FURIN: variants seen among roughly 807,000 people sequenced by gnomAD.
The protein encoded by FURIN is furin, paired basic amino acid cleaving enzyme, also known as FES upstream region.
In FURIN, 18 loss-of-function variants were observed where a neutral mutation model predicts 89.2. The observed-to-expected ratio is 0.20, with a 90% confidence interval of 0.14 to 0.30. The LOEUF is 0.30. Among genes scored for constraint, FURIN ranks in the 10% least tolerant of loss-of-function variants. FURIN has a pLI of 1.00. For missense variants in FURIN, 879 were observed against 1,100.5 expected (o/e 0.80, Z 2.85); for synonymous variants, 508 against 466.4 (o/e 1.09, Z -1.15).
At chr15:90,868,974 A>C (rs1196321405) in intron 1 of FURIN, among the ~76,000 whole-genome samples, 2 of 152,208 alleles carry the variant, frequency 1.3e-5, no homozygotes, top group East Asian at 3.8e-4. Flanking sequence ...GAGGTGGACC[A>C]GAGATTTCAG....
At chr15:90,871,500 TGGGAACGCGGGC>T (rs2031289845) in intron 1 of FURIN, 2 of 2,272 alleles carry the variant, frequency 8.8e-4, no homozygotes, top group Non-Finnish European at 2.4e-3. Flanking sequence ...CCCACGGCGC[TGGGAACGCGGGC>T]CCGCAGTCGG....
rs906400689 is a variant in FURIN, at chr15:90,876,178, C to T, written c.178-77C>T. The T allele has an allele frequency of 1.1e-5, 11 of 1,015,948 alleles. No homozygotes were observed. The highest frequency in any genetic ancestry group is 4.7e-5 in the East Asian group (2 of 42,148). The allele number at this position is 1,015,948 out of a possible 1,614,324, so 62.9% of individuals were successfully genotyped here. ...GACCGTGGCGAGCCTCCCATGAAGCCGTTGTCCACCCCCGTCCCCCGCCTC... is the reference window on the plus strand; with the variant it reads ...GACCGTGGCGAGCCTCCCATGAAGCTGTTGTCCACCCCCGTCCCCCGCCTC... On this transcript the variant is annotated intron_variant, in intron 2 of 15. Coordinates refer to ENST00000268171, the MANE Select transcript of FURIN (RefSeq NM_002569.4). The surrounding 1 kb of genome is among the most constrained non-coding windows in gnomAD (Gnocchi z 5.0).
intron 9 of FURIN, 119 bp downstream of exon 9, chr15:90,879,095 GC>G (rs151289535): frequency 1.5e-6 from 1 of 670,014 alleles, no homozygotes; most frequent in Non-Finnish European, 2.6e-6. Flanking sequence ...AGTGGCTCAG[GC>G]ATCATGCAAC....
At chr15:90,872,895 G>C (rs1338235929) in intron 1 of FURIN, 2 of 152,354 alleles carry the variant, frequency 1.3e-5, no homozygotes, top group Non-Finnish European at 1.5e-5. Flanking sequence ...AGTCGGTCCT[G>C]GGGTGAGGCG....
Position 90,881,149 on chromosome 15 carries a change from C to G in FURIN, c.1792+109C>G. ...AAAAAGTCTCAAGAGACCTAGGGCC[C>G]CTGGGGCTCTTGGGATGACCACAGT... On this transcript the variant is annotated intron_variant, in intron 15 of 15. Transcript: ENST00000268171. The surrounding 1 kb of genome is among the most constrained non-coding windows in gnomAD (Gnocchi z 4.3). 9.1e-7 allele frequency: 1 copy of G among 1,102,448 alleles called. No individual in the cohort carries two copies. Among genetic ancestry groups the G allele is most frequent in the Non-Finnish European group, 1.4e-6 (1 of 740,096 alleles). The allele number at this position is 1,102,448 out of a possible 1,614,324, so 68.3% of individuals were successfully genotyped here.
intron 1 of FURIN, among the ~76,000 whole-genome samples, chr15:90,870,959 G>GA (rs1372690475): frequency 1.3e-5 from 2 of 151,836 alleles, no homozygotes; most frequent in African/African-American, 2.4e-5. Flanking sequence ...TGTCTAAAAA[G>GA]AAAAAAAAGC....
chr15:90,874,634 C>A (rs1009621993), intron 1 of FURIN, among the ~76,000 whole-genome samples: 1 of 152,220 alleles, frequency 6.6e-6, no homozygotes, highest in African/African-American at 2.4e-5. Flanking sequence ...ATGGCTGAAT[C>A]TGCTTTGCTG....
chr15:90,881,357 G>A lies in FURIN; in HGVS notation c.1864G>A (p.Val622Ile), dbSNP rs765154886. 1 of 1,612,988 alleles carries A rather than the reference G, an allele frequency of 6.2e-7. No individual in the cohort carries two copies. The highest frequency in any genetic ancestry group is 8.5e-7 in the Non-Finnish European group (1 of 1,179,864). The change falls in exon 16 of 16, where the codon GTC becomes ATC. Residue 622 changes from valine to isoleucine, a missense_variant. Coordinates refer to ENST00000268171, the MANE Select transcript of FURIN (RefSeq NM_002569.4). This position sits in a 1 kb window ranked among gnomAD's most constrained non-coding sequence, Gnocchi z 4.3. Reference protein sequence around the residue: ...QHCPPGFAPQVLDTHYSTEND... With the variant: ...QHCPPGFAPQILDTHYSTEND... ...CTGCCCTCCAGGGTTCGCCCCCCAA[G>A]TCCTCGATACGCACTATAGCACCGA...
In FURIN at chr15:90,875,907, A is replaced by G. The variant is rs763990177; in HGVS notation, c.167A>G (p.Asn56Ser). ...GTGGCACGGAAGCATGGGTTCCTCA[A>G]CCTGGGCCAGGTAGGTGTTCCCCCA... is the stretch of plus-strand genomic sequence containing the variant. Reference protein sequence around the residue: ...NSVARKHGFLNLGQIFGDYYH... With the variant: ...NSVARKHGFLSLGQIFGDYYH... The change falls in exon 2 of 16, where the codon AAC becomes AGC. Residue 56 changes from asparagine (N) to serine (S), a missense_variant. Physicochemically the swap from Asn to Ser is conservative, Grantham distance 46. Around this residue, in one of 5 missense-constraint regions of FURIN, gnomAD observed 125 missense variants for 125.0 expected, o/e 1.00. Transcript: ENST00000268171. 58 of 1,584,660 alleles carry G rather than the reference A, an allele frequency of 3.7e-5. No homozygotes were observed. The highest frequency in any genetic ancestry group is 4.8e-5 in the Non-Finnish European group (56 of 1,166,492).
chr15:90,876,914 G>T lies in FURIN; in HGVS notation c.391G>T (p.Asp131Tyr), dbSNP rs1305469194. The T allele has an allele frequency of 6.2e-7, 1 of 1,614,044 alleles. No homozygotes were observed. Among genetic ancestry groups the T allele is most frequent in the East Asian group, 2.2e-5 (1 of 44,896 alleles). ...QWYLSGVTQR[D>Y]LNVKAAWAQG... ...TCCACAGTCTGGTGTCACTCAGCGG[G>T]ACCTGAATGTGAAGGCGGCCTGGGC... The change falls in exon 5 of 16, where the codon GAC (aspartate) becomes TAC (tyrosine). Residue 131 changes from aspartate to tyrosine, a missense_variant. By Grantham distance (160) the Asp-to-Tyr change is radical. This residue lies in a region of FURIN where 139 missense variants were observed against 215.0 expected (regional missense o/e 0.65). Transcript: ENST00000268171. This position sits in a 1 kb window ranked among gnomAD's most constrained non-coding sequence, Gnocchi z 5.0.
rs551400788 is a variant in FURIN, at chr15:90,880,917, C to G, written c.1682-13C>G. On this transcript the variant is annotated splice_polypyrimidine_tract_variant and intron_variant, in intron 14 of 15. Transcript: ENST00000268171. ...ACTGTCTTAACTCTTGCCTCCTCCC[C>G]GCTCTGGAACAGGGACGCTGACCAA... 13 of 1,611,884 alleles carry G rather than the reference C, an allele frequency of 8.1e-6. No homozygotes were observed. The highest frequency in any genetic ancestry group is 3.4e-6 in the Non-Finnish European group (4 of 1,178,070).
intron 1 of FURIN, among the ~76,000 whole-genome samples, 177 bp from the exon 2 acceptor site, chr15:90,875,405 A>G (rs2031556478): frequency 6.6e-6 from 1 of 152,042 alleles, no homozygotes; most frequent in African/African-American, 2.4e-5. Flanking sequence ...CCATCTGTCC[A>G]TCTATGTGGC....
Position 90,878,859 on chromosome 15 carries a change from C to T in FURIN, c.936C>T (p.Ile312=). The T allele has an allele frequency of 1.2e-6, 2 of 1,612,842 alleles. No individual in the cohort carries two copies. The highest frequency in any genetic ancestry group is 1.7e-6 in the Non-Finnish European group (2 of 1,179,406). Reference sequence around the variant, plus strand: ...ACTGCGACGGCTACACCAACAGTATCTACACGCTGTCCATCAGCAGCGCCA... The same window carrying T: ...ACTGCGACGGCTACACCAACAGTATTTACACGCTGTCCATCAGCAGCGCCA... The part of the protein sequence containing the change: ...SCNCDGYTNS[I]YTLSISSATQ... The change falls in exon 9 of 16, where the codon ATC becomes ATT. Residue 312 remains isoleucine (I), a synonymous_variant. Coordinates refer to ENST00000268171, the MANE Select transcript of FURIN (RefSeq NM_002569.4).
At chr15:90,878,620 A>C in intron 8 of FURIN, 144 bp from the exon 9 acceptor site, 1 of 611,888 alleles carries the variant, frequency 1.6e-6, no homozygotes. Context: ...ATTTGGATAC[A>C]TACTTGATCC....
intron 9 of FURIN, 111 bp downstream of exon 9, chr15:90,879,087 T>C: frequency 1.4e-6 from 1 of 699,080 alleles, no homozygotes; most frequent in South Asian, 1.8e-5. Context: ...TGGGTGATAG[T>C]GGCTCAGGCA....
Position 90,881,896 on chromosome 15 carries a change from C to A in FURIN, c.*18C>A, listed in dbSNP as rs545927137. 624 of 1,531,010 alleles carry A rather than the reference C, an allele frequency of 4.1e-4. 9 individuals are homozygous for A. In the South Asian group the frequency reaches 6.7e-3, roughly 17 times the overall value. 94.8% of individuals were successfully genotyped at this position (1,531,010 alleles called of 1,614,324 possible). On this transcript the variant is annotated 3_prime_UTR_variant, in exon 16 of 16. Transcript: ENST00000268171. This position sits in a 1 kb window ranked among gnomAD's most constrained non-coding sequence, Gnocchi z 4.3. ...CCCTCTGATGAGCCCACTGCCCACC[C>A]CCTCAAGCCAATCCCCTCCTTGGGC... is the stretch of plus-strand genomic sequence containing the variant.
In FURIN at chr15:90,881,847, C is replaced by A. The variant is rs1243933926; in HGVS notation, c.2354C>A (p.Thr785Asn). The A allele has an allele frequency of 1.2e-6, 2 of 1,612,874 alleles. No individual in the cohort carries two copies. The highest frequency in any genetic ancestry group is 1.7e-6 in the Non-Finnish European group (2 of 1,179,900). Reference sequence around the variant, plus strand: ...GAGGACGAGGGCCGGGGCGAGAGGACCGCCTTTATCAAAGACCAGAGCGCC... The same window carrying A: ...GAGGACGAGGGCCGGGGCGAGAGGAACGCCTTTATCAAAGACCAGAGCGCC... ...SEEDEGRGER[T>N]AFIKDQSAL is the part of the protein sequence containing the mutation. Residue 785 changes from threonine to asparagine, a missense_variant, in exon 16 of 16, where the codon ACC (threonine) becomes AAC (asparagine). Physicochemically the swap from Thr to Asn is moderately conservative, Grantham distance 65. Transcript: ENST00000268171. This position sits in a 1 kb window ranked among gnomAD's most constrained non-coding sequence, Gnocchi z 4.3.
Position 90,875,270 on chromosome 15 carries a change from G to A in FURIN, c.-159-312G>A, listed in dbSNP as rs570078756. 8.6e-5 allele frequency among the ~76,000 whole-genome samples: 13 copies of A among 152,002 alleles called. No homozygotes were observed. In the East Asian group the frequency reaches 2.5e-3, roughly 29 times the overall value. ...GGCTGGCCTCGAACTCCTGACCTCAGGTGATCCACCCGCCTCAGCCTCCCA... is the reference window on the plus strand; with the variant it reads ...GGCTGGCCTCGAACTCCTGACCTCAAGTGATCCACCCGCCTCAGCCTCCCA... On this transcript the variant is annotated intron_variant, in intron 1 of 15. Transcript: ENST00000268171.
In FURIN at chr15:90,881,815, C is replaced by T; in HGVS notation, c.2322C>T (p.Asp774=). ...CCTGGCAGGAGGAGTGCCCGTCTGA[C>T]TCAGAAGAGGACGAGGGCCGGGGCG... ...PEAWQEECPS[D]SEEDEGRGER... is the part of the protein sequence containing the mutation. The change falls in exon 16 of 16, where the codon GAC becomes GAT. Residue 774 remains aspartate, a synonymous_variant. Transcript: ENST00000268171. This position sits in a 1 kb window ranked among gnomAD's most constrained non-coding sequence, Gnocchi z 4.3. The T allele has an allele frequency of 1.2e-6, 2 of 1,613,602 alleles. No individual in the cohort carries two copies. The highest frequency in any genetic ancestry group is 1.7e-6 in the Non-Finnish European group (2 of 1,179,984).
Sources: gnomAD v4.1 joint callset for allele counts (sites outside exome capture counted in the v4.1 genomes callset) on GRCh38, gnomAD v4.1.1 for gene constraint, gnomAD v4.1.1 regional missense constraint, Gnocchi (gnomAD v3.1) non-coding constraint, MANE v1.5 for transcripts, NCBI Gene and HGNC (gene_info 2026-07-23, HGNC 2026-07-21) for gene names.